EPHB1: variants seen among roughly 807,000 people sequenced by gnomAD.
EPHB1 encodes the protein EPH receptor B1.
EPHB1 carries 30 observed loss-of-function variants against 94.4 expected under a neutral mutation model. The ratio of observed to expected loss-of-function variants is 0.32; its 90% CI spans 0.24 to 0.43. EPHB1 has a LOEUF of 0.43. EPHB1 is among the 20% of genes least tolerant of loss of function. EPHB1 has a pLI of 1.00. For synonymous variants in EPHB1, 522 were observed against 489.1 expected (o/e 1.07, Z -0.89); for missense variants, 1,055 against 1,308.3 (o/e 0.81, Z 2.99).
intron 14 of EPHB1, 25 bp downstream of exon 14, chr3:135,248,534 C>G (rs1943982812): frequency 1.9e-6 from 3 of 1,539,988 alleles, no homozygotes; most frequent in Non-Finnish European, 2.6e-6. Flanking sequence ...ACGGTGATCC[C>G]TAAATATGGC....
chr3:134,899,973 G>A (rs992574608), intron 1 of EPHB1, among the ~76,000 whole-genome samples: 3 of 152,194 alleles, frequency 2.0e-5, no homozygotes, highest in African/African-American at 7.2e-5. Flanking sequence ...GGGAGTTGTA[G>A]GACATGGACT....
intron 15 of EPHB1, among the ~76,000 whole-genome samples, chr3:135,250,416 A>G (rs1933020631): frequency 6.6e-6 from 1 of 152,068 alleles, no homozygotes; most frequent in Non-Finnish European, 1.5e-5. Flanking sequence ...TGCCAGTTCA[A>G]TATTCTGCTA....
chr3:135,146,380 A>G (rs1941011350), intron 5 of EPHB1, among the ~76,000 whole-genome samples: 1 of 152,246 alleles, frequency 6.6e-6, no homozygotes, highest in Admixed American at 6.5e-5. Context: ...AGAGGTGGAC[A>G]AGAGAGTTAG....
intron 1 of EPHB1, among the ~76,000 whole-genome samples, chr3:134,919,164 G>A (rs1348818961): frequency 6.6e-6 from 1 of 152,238 alleles, no homozygotes; most frequent in East Asian, 1.9e-4. Flanking sequence ...TAATGATTGA[G>A]TAAAAGACTG....
rs188285850 is a variant in EPHB1 at position 135,169,371 on chromosome 3, C to T, written c.1759+2365C>T. 4.9e-3 allele frequency among the ~76,000 whole-genome samples: 740 copies of T among 152,270 alleles called. 5 individuals carry two copies. The highest frequency in any genetic ancestry group is 0.017 in the African/African-American group (709 of 41,538). ...CCCTTGGCTTCCTTGGAAGTCTGTC[C>T]TCTTTTTAATTCGGTTTGCCTTTTA... On this transcript the variant is annotated intron_variant, in intron 9 of 15. Transcript: ENST00000398015.
At chr3:134,998,068 C>A (rs1191469658) in intron 3 of EPHB1, among the ~76,000 whole-genome samples, 1 of 151,678 alleles carries the variant, frequency 6.6e-6, no homozygotes, top group Non-Finnish European at 1.5e-5. Context: ...ATTTCTCATA[C>A]CTGAAATGCT....
Position 134,926,437 on chromosome 3 carries a change from A to G in EPHB1, c.123+557A>G, listed in dbSNP as rs2038792584. 2.0e-5 allele frequency among the ~76,000 whole-genome samples: 3 copies of G among 152,218 alleles called. No homozygotes were observed. The South Asian group carries it at 6.2e-4, about 31-fold the overall frequency. ...GGCACAGAGTTGGGAATGAGAAACCATGAGGTTAGACAAGAAGCCTTTACA... is the reference window on the plus strand; with the variant it reads ...GGCACAGAGTTGGGAATGAGAAACCGTGAGGTTAGACAAGAAGCCTTTACA... On this transcript the variant is annotated intron_variant, in intron 2 of 15. Transcript: ENST00000398015.
chr3:134,861,099 C>G (rs974626672), intron 1 of EPHB1, among the ~76,000 whole-genome samples: 3 of 152,062 alleles, frequency 2.0e-5, no homozygotes, highest in Non-Finnish European at 4.4e-5. Flanking sequence ...AGTTAGAGGG[C>G]AGGGCTAGGT....
At chr3:135,027,214 C>T (rs1936216563) in intron 3 of EPHB1, among the ~76,000 whole-genome samples, 2 of 152,098 alleles carry the variant, frequency 1.3e-5, no homozygotes, top group Non-Finnish European at 2.9e-5. Flanking sequence ...ATTTCCTTCT[C>T]CTGCCTAATT....
intron 1 of EPHB1, among the ~76,000 whole-genome samples, chr3:134,884,646 T>G (rs1288678638): frequency 6.6e-6 from 1 of 152,214 alleles, no homozygotes; most frequent in Non-Finnish European, 1.5e-5. Flanking sequence ...AATAATACTC[T>G]TTCCTTTGAA....
chr3:134,941,797 AC>A lies in EPHB1; in HGVS notation c.124-9573del, dbSNP rs1313648736. Among the ~76,000 whole-genome samples the A allele has an allele frequency of 1.6e-4, 24 of 145,970 alleles. No individual in the cohort carries two copies. The Admixed American group carries it at 1.8e-3, about 11-fold the overall frequency. ...CACACACACACACACACACACACAC[AC>A]AATCAGCCAGACTGCAGAGAGTCAA... On this transcript the variant is annotated intron_variant, in intron 2 of 15. Transcript: ENST00000398015.
At chr3:135,162,884 G>A (rs1242403181) in intron 7 of EPHB1, among the ~76,000 whole-genome samples, 1 of 152,072 alleles carries the variant, frequency 6.6e-6, no homozygotes, top group Non-Finnish European at 1.5e-5. Context: ...CTATCTGACT[G>A]TGCCTACCAC....
At chr3:135,055,195 C>T (rs376833409) in intron 3 of EPHB1, among the ~76,000 whole-genome samples, 31 of 152,268 alleles carry the variant, frequency 2.0e-4, no homozygotes, top group East Asian at 9.6e-4. Flanking sequence ...ATTTGCTAAA[C>T]GGTTCCTATA....
chr3:134,970,541 G>A (rs1360114425), intron 3 of EPHB1, among the ~76,000 whole-genome samples: 1 of 152,138 alleles, frequency 6.6e-6, no homozygotes, highest in East Asian at 1.9e-4. Flanking sequence ...TGTATTGTCT[G>A]TCTCTCCTCA....
At chr3:135,093,758 T>C (rs1043597931) in intron 3 of EPHB1, among the ~76,000 whole-genome samples, 2 of 151,642 alleles carry the variant, frequency 1.3e-5, no homozygotes, top group Non-Finnish European at 2.9e-5. Flanking sequence ...TTCAAAAAAG[T>C]ATAAGTTCAC....
At chr3:134,840,768 A>G (rs561780166) in intron 1 of EPHB1, among the ~76,000 whole-genome samples, 5 of 152,186 alleles carry the variant, frequency 3.3e-5, no homozygotes, top group Non-Finnish European at 7.3e-5. Flanking sequence ...ACTGGTACAC[A>G]TTGTAAATAT....
chr3:135,203,424 G>T (rs762717857), intron 12 of EPHB1, among the ~76,000 whole-genome samples: 2 of 151,988 alleles, frequency 1.3e-5, no homozygotes, highest in Non-Finnish European at 2.9e-5. Flanking sequence ...TTAAAAAAAA[G>T]AATAAAAAAT....
At chr3:135,137,043 A>G (rs546150113) in intron 5 of EPHB1, among the ~76,000 whole-genome samples, 1 of 152,328 alleles carries the variant, frequency 6.6e-6, no homozygotes, top group Admixed American at 6.5e-5. Context: ...GTGAATGACA[A>G]ACTTTACTTC....
intron 3 of EPHB1, among the ~76,000 whole-genome samples, chr3:135,103,830 A>T (rs1939111505): frequency 6.6e-6 from 1 of 151,868 alleles, no homozygotes; most frequent in Non-Finnish European, 1.5e-5. Context: ...CCTCCCCTCC[A>T]CTTCCTCCTC....
Sources: allele counts gnomAD v4.1 joint callset (sites outside exome capture counted in the v4.1 genomes callset), GRCh38; gene constraint gnomAD v4.1.1; transcripts MANE v1.5; gene names NCBI Gene and HGNC (gene_info 2026-07-23, HGNC 2026-07-21).